Variants in STMN2 observed in about 807,000 individuals in gnomAD.
STMN2 encodes stathmin 2.
In STMN2, 2 loss-of-function variants were observed where a neutral mutation model predicts 24.1. The ratio of observed to expected loss-of-function variants is 0.08; its 90% CI spans 0.03 to 0.26. STMN2 has a LOEUF of 0.26. STMN2 is among the 10% of genes least tolerant of loss of function. The pLI is 1.00. For synonymous variants in STMN2, 83 were observed against 77.5 expected (o/e 1.07, Z -0.37); for missense variants, 114 against 213.6 (o/e 0.53, Z 2.91).
At chr8:79,616,971 TG>T (rs1336159365) in intron 1 of STMN2, among the ~76,000 whole-genome samples, 1 of 152,188 alleles carries the variant, frequency 6.6e-6, no homozygotes, top group Non-Finnish European at 1.5e-5. Context: ...TTGACAAGGA[TG>T]ATAAATCAAT....
intron 1 of STMN2, chr8:79,613,343 C>A: frequency 1.0e-6 from 1 of 976,304 alleles, no homozygotes; most frequent in South Asian, 4.7e-5. Flanking sequence ...GGAGCGCAGC[C>A]AGCCCTGCAG....
intron 3 of STMN2, 83 bp from the exon 4 acceptor site, chr8:79,654,788 A>G: frequency 6.9e-7 from 1 of 1,444,782 alleles, no homozygotes; most frequent in Non-Finnish European, 9.4e-7. Context: ...ATCTGAAAAG[A>G]ATGCTCCCTC....
intron 3 of STMN2, among the ~76,000 whole-genome samples, chr8:79,653,992 T>G (rs1487201340): frequency 6.6e-6 from 1 of 152,206 alleles, no homozygotes; most frequent in African/African-American, 2.4e-5. Context: ...CCCATGCCAG[T>G]ATGACTTACA....
chr8:79,614,614 A>G (rs543666963), intron 1 of STMN2, among the ~76,000 whole-genome samples: 4 of 152,346 alleles, frequency 2.6e-5, no homozygotes, highest in African/African-American at 9.6e-5. Flanking sequence ...GCACGTTAAA[A>G]TTCTCTGAGA....
At chr8:79,618,951 G>A (rs1052831094) in intron 1 of STMN2, among the ~76,000 whole-genome samples, 6 of 152,136 alleles carry the variant, frequency 3.9e-5, no homozygotes, top group Non-Finnish European at 7.4e-5. Flanking sequence ...TAATACTCTG[G>A]AAAGTTATGG....
At chr8:79,648,767 T>C (rs1254427804) in intron 3 of STMN2, among the ~76,000 whole-genome samples, 2 of 152,098 alleles carry the variant, frequency 1.3e-5, no homozygotes, top group Non-Finnish European at 2.9e-5. Context: ...CCGGCCAATA[T>C]TTTTAAATAT....
chr8:79,629,844 G>A (rs182514876), intron 1 of STMN2, among the ~76,000 whole-genome samples: 107 of 152,184 alleles, frequency 7.0e-4, no homozygotes, highest in African/African-American at 2.2e-3. Context: ...TTTCACAGTC[G>A]ACGTTAATAA....
intron 2 of STMN2, 96 bp from the exon 3 acceptor site, chr8:79,641,282 A>C: frequency 7.4e-7 from 1 of 1,347,420 alleles, no homozygotes; most frequent in Non-Finnish European, 1.0e-6. Context: ...CTCCCGGAAT[A>C]ACAACGCTAC....
intron 4 of STMN2, among the ~76,000 whole-genome samples, chr8:79,660,190 G>A (rs4739651): frequency 0.77 from 117,196 of 152,096 alleles, 45,703 homozygotes; most frequent in South Asian, 0.84. Flanking sequence ...GGACGATGGA[G>A]GGAACAGAGA....
At chr8:79,642,082 T>C (rs1810112965) in intron 3 of STMN2, among the ~76,000 whole-genome samples, 1 of 152,164 alleles carries the variant, frequency 6.6e-6, no homozygotes, top group African/African-American at 2.4e-5. Flanking sequence ...AGCTTGCCCC[T>C]TTCCTCTTCA....
intron 3 of STMN2, among the ~76,000 whole-genome samples, chr8:79,648,557 G>A (rs531231359): frequency 2.2e-5 from 3 of 137,832 alleles, no homozygotes; most frequent in South Asian, 4.8e-4. Flanking sequence ...CCACCTCCCA[G>A]GTTCAAGCAA....
chr8:79,637,211 T>C (rs1457718033), intron 2 of STMN2, among the ~76,000 whole-genome samples: 2 of 152,216 alleles, frequency 1.3e-5, no homozygotes, highest in East Asian at 1.9e-4. Flanking sequence ...TAAGCCATAA[T>C]TGGAGTAGAT....
intron 3 of STMN2, among the ~76,000 whole-genome samples, chr8:79,653,619 A>C (rs1209857658): frequency 6.6e-6 from 1 of 152,244 alleles, no homozygotes; most frequent in Non-Finnish European, 1.5e-5. Flanking sequence ...TTATACAAAA[A>C]GACCTTTCCA....
chr8:79,636,811 A>T lies in STMN2; in HGVS notation c.29A>T (p.Glu10Val). 1 of 1,613,324 alleles carries T rather than the reference A, an allele frequency of 6.2e-7. No individual in the cohort carries two copies. The highest frequency in any genetic ancestry group is 1.1e-5 in the South Asian group (1 of 91,002). The change falls in exon 2 of 5, where the codon GAA becomes GTA. Residue 10 changes from glutamate to valine, a missense_variant. Coordinates refer to ENST00000220876, the MANE Select transcript of STMN2 (RefSeq NM_007029.4). MAKTAMAYK[E>V]KMKELSMLSL... ...CAGCTTTTCATTTCAGCCTACAAGG[A>T]AAAAATGAAGGAGCTGTCCATGCTG...
Position 79,636,911 on chromosome 8 carries a change from G to A in STMN2, c.115+14G>A, listed in dbSNP as rs1004355890. The A allele has an allele frequency of 6.2e-7, 1 of 1,609,974 alleles. No individual in the cohort carries two copies. The highest frequency in any genetic ancestry group is 1.7e-5 in the Admixed American group (1 of 59,968). On this transcript the variant is annotated intron_variant, in intron 2 of 4. Coordinates refer to ENST00000220876, the MANE Select transcript of STMN2 (RefSeq NM_007029.4). ...ATACTTACGATGGTGAGTAACCTAGGATAGACATACCCCTGCTAGCTAGAT... is the reference window on the plus strand; with the variant it reads ...ATACTTACGATGGTGAGTAACCTAGAATAGACATACCCCTGCTAGCTAGAT...
intron 3 of STMN2, among the ~76,000 whole-genome samples, chr8:79,652,875 G>A (rs551213159): frequency 3.3e-5 from 5 of 152,118 alleles, no homozygotes; most frequent in African/African-American, 9.6e-5. Context: ...CCTGATAACA[G>A]CAAATAAGCA....
intron 1 of STMN2, among the ~76,000 whole-genome samples, chr8:79,612,075 C>A (rs1809244757): frequency 6.7e-6 from 1 of 150,104 alleles, no homozygotes; most frequent in Admixed American, 6.6e-5. Context: ...GCCCCGCCCC[C>A]CCGCCCGGTG....
Position 79,647,258 on chromosome 8 carries a change from T to C in STMN2, c.288+5708T>C, listed in dbSNP as rs190231452. The stretch of plus-strand genomic sequence containing the variant: ...GTAATTGCTAATTATTTCTGATTAT[T>C]AAAAGATAAGCAGTATTGCACTAAA... On this transcript the variant is annotated intron_variant, in intron 3 of 4. Coordinates refer to ENST00000220876, the MANE Select transcript of STMN2 (RefSeq NM_007029.4). Among the ~76,000 whole-genome samples the C allele has an allele frequency of 2.8e-4, 43 of 152,310 alleles. No individual in the cohort carries two copies. The East Asian group carries it at 7.1e-3, about 25-fold the overall frequency.
chr8:79,654,280 T>C (rs532632214), intron 3 of STMN2, among the ~76,000 whole-genome samples: 8 of 151,186 alleles, frequency 5.3e-5, no homozygotes, highest in Non-Finnish European at 8.8e-5. Flanking sequence ...GACTTTCTGC[T>C]CTCTGTGGCC....
Sources: allele counts gnomAD v4.1 joint callset (sites outside exome capture counted in the v4.1 genomes callset), GRCh38; gene constraint gnomAD v4.1.1; transcripts MANE v1.5; gene names NCBI Gene and HGNC (gene_info 2026-07-23, HGNC 2026-07-21).